The following CDH20 variants were observed in gnomAD, a reference collection of about 807,000 sequenced individuals.
CDH20 encodes the protein cadherin 20.
In CDH20, 29 loss-of-function variants were observed where a neutral mutation model predicts 74.2. The observed-to-expected ratio is 0.39, with a 90% CI of 0.29 to 0.53. CDH20 has a LOEUF of 0.53. Ranked by LOEUF, CDH20 falls within the 20% of genes least tolerant of loss-of-function variation. CDH20 has a pLI of 0.69. For missense variants in CDH20, 988 were observed against 1,048.3 expected (o/e 0.94, Z 0.79); for synonymous variants, 469 against 405.4 (o/e 1.16, Z -1.88).
chr18:61,361,008 T>C (rs955176879), intron 1 of CDH20, among the ~76,000 whole-genome samples: 1 of 152,254 alleles, frequency 6.6e-6, no homozygotes, highest in African/African-American at 2.4e-5. Flanking sequence ...TAAATCTCAG[T>C]CGGGGTTCTT....
At chr18:61,372,243 A>G (rs1911068029) in intron 1 of CDH20, among the ~76,000 whole-genome samples, 1 of 151,980 alleles carries the variant, frequency 6.6e-6, no homozygotes, top group African/African-American at 2.4e-5. Context: ...TTCTCCCCAC[A>G]ATTTTACTAA....
chr18:61,554,870 C>G lies in CDH20; in HGVS notation c.*175C>G. On this transcript the variant is annotated 3_prime_UTR_variant, in exon 12 of 12. Coordinates refer to ENST00000262717, the MANE Select transcript of CDH20 (RefSeq NM_031891.4). ...ACTTGGGTAGATTAAGTTAAATAAG[C>G]AAAAGGAAACCCAGAAGGAAGAGGG... The G allele has an allele frequency of 7.1e-7, 1 of 1,401,602 alleles. No individual in the cohort carries two copies. The highest frequency in any genetic ancestry group is 9.3e-7 in the Non-Finnish European group (1 of 1,080,326). 86.8% of individuals were successfully genotyped at this position (1,401,602 alleles called of 1,614,324 possible).
At chr18:61,427,110 G>T (rs1328057887) in intron 1 of CDH20, among the ~76,000 whole-genome samples, 1 of 152,064 alleles carries the variant, frequency 6.6e-6, no homozygotes, top group African/African-American at 2.4e-5. Context: ...GAGGAAATAG[G>T]ATCAAGAAAG....
At chr18:61,492,466 C>A (rs1327930867) in intron 2 of CDH20, among the ~76,000 whole-genome samples, 1 of 152,204 alleles carries the variant, frequency 6.6e-6, no homozygotes, top group African/African-American at 2.4e-5. Flanking sequence ...ACTTACGTCT[C>A]TTCAATGTTT....
At chr18:61,402,234 A>G (rs576760823) in intron 1 of CDH20, among the ~76,000 whole-genome samples, 1 of 152,224 alleles carries the variant, frequency 6.6e-6, no homozygotes, top group South Asian at 2.1e-4. Context: ...TTAGACACTA[A>G]AGGTATCCCC....
At chr18:61,532,569 C>T (rs377149341) in intron 7 of CDH20, among the ~76,000 whole-genome samples, 7 of 141,060 alleles carry the variant, frequency 5.0e-5, no homozygotes, top group South Asian at 2.3e-4. Flanking sequence ...CACACACACA[C>T]ATATATATAA....
intron 1 of CDH20, among the ~76,000 whole-genome samples, chr18:61,409,788 C>T (rs2144244727): frequency 6.6e-6 from 1 of 152,250 alleles, no homozygotes; most frequent in African/African-American, 2.4e-5. Flanking sequence ...ATATTAATAG[C>T]TGGTCTCAGT....
intron 7 of CDH20, 39 bp from the exon 8 acceptor site, chr18:61,536,454 C>A: frequency 1.3e-6 from 2 of 1,595,204 alleles, no homozygotes; most frequent in East Asian, 4.5e-5. Context: ...CATATGCTTA[C>A]CCAAATGCAA....
intron 1 of CDH20, among the ~76,000 whole-genome samples, chr18:61,430,519 G>GA (rs1397638352): frequency 2.0e-5 from 3 of 152,220 alleles, no homozygotes; most frequent in East Asian, 3.9e-4. Flanking sequence ...AAGTTACTCT[G>GA]AAGCCCACAT....
chr18:61,357,439 A>G (rs1413322225), intron 1 of CDH20, among the ~76,000 whole-genome samples: 1 of 152,180 alleles, frequency 6.6e-6, no homozygotes, highest in Non-Finnish European at 1.5e-5. Flanking sequence ...TTGACAGTAC[A>G]GGGCAGATAC....
At chr18:61,419,639 T>C (rs1912809149) in intron 1 of CDH20, among the ~76,000 whole-genome samples, 1 of 152,164 alleles carries the variant, frequency 6.6e-6, no homozygotes, top group Non-Finnish European at 1.5e-5. Flanking sequence ...TCATATGCAA[T>C]ATTTCTGTAA....
At chr18:61,459,121 T>A (rs1909681362) in intron 1 of CDH20, among the ~76,000 whole-genome samples, 1 of 152,226 alleles carries the variant, frequency 6.6e-6, no homozygotes, top group South Asian at 2.1e-4. Context: ...TATTATCATC[T>A]TTTTTATTTA....
chr18:61,480,519 C>A (rs1910554099), intron 1 of CDH20, among the ~76,000 whole-genome samples: 1 of 152,142 alleles, frequency 6.6e-6, no homozygotes, highest in African/African-American at 2.4e-5. Flanking sequence ...ACTTCCAGGT[C>A]ACAGGTAGGT....
chr18:61,476,438 AT>A (rs1419189635), intron 1 of CDH20, among the ~76,000 whole-genome samples: 3 of 152,204 alleles, frequency 2.0e-5, no homozygotes, highest in African/African-American at 7.2e-5. Context: ...TAGCCAAGAT[AT>A]ATCCAAATTC....
chr18:61,441,168 T>C (rs752066044), intron 1 of CDH20, among the ~76,000 whole-genome samples: 1 of 152,168 alleles, frequency 6.6e-6, no homozygotes, highest in Non-Finnish European at 1.5e-5. Context: ...AATAGCCCTC[T>C]AATAATCCTC....
intron 1 of CDH20, among the ~76,000 whole-genome samples, chr18:61,409,442 C>A (rs1018927331): frequency 6.6e-6 from 1 of 152,132 alleles, no homozygotes; most frequent in Non-Finnish European, 1.5e-5. Context: ...GCAGACCCTT[C>A]GATGGGGACA....
At chr18:61,550,582 G>A (rs1709457689) in intron 11 of CDH20, among the ~76,000 whole-genome samples, 1 of 152,182 alleles carries the variant, frequency 6.6e-6, no homozygotes, top group African/African-American at 2.4e-5. Context: ...ATTTAGACAG[G>A]ATTTGATGAT....
At chr18:61,403,091 C>A (rs189793382) in intron 1 of CDH20, among the ~76,000 whole-genome samples, 1 of 152,266 alleles carries the variant, frequency 6.6e-6, no homozygotes, top group East Asian at 1.9e-4. Context: ...ATATCAAGAT[C>A]TTATAAATAG....
At chr18:61,514,597 T>G (rs1911916003) in intron 6 of CDH20, among the ~76,000 whole-genome samples, 1 of 151,034 alleles carries the variant, frequency 6.6e-6, no homozygotes, top group Admixed American at 6.6e-5. Context: ...AGTTTCCAGT[T>G]TTTCTGTTCT....
Sources: gnomAD v4.1 joint callset for allele counts (sites outside exome capture counted in the v4.1 genomes callset) on GRCh38, gnomAD v4.1.1 for gene constraint, MANE v1.5 for transcripts, NCBI Gene and HGNC (gene_info 2026-07-23, HGNC 2026-07-21) for gene names.